BSN: variants seen among roughly 807,000 people sequenced by gnomAD.
BSN encodes the protein bassoon presynaptic cytomatrix protein.
Under a neutral mutation model 264.8 loss-of-function variants are expected in BSN, and 57 were observed. The observed-to-expected ratio is 0.22, with a 90% CI of 0.17 to 0.27. BSN has a LOEUF of 0.27. Ranked by LOEUF, BSN falls within the 10% of genes least tolerant of loss-of-function variation. The probability of loss-of-function intolerance (pLI) is 1.00; values close to 1 mark genes in which losing one functional copy is unlikely to be tolerated. For missense variants in BSN, 4,615 were observed against 5,232.5 expected, an observed-to-expected ratio of 0.88 and a Z score of 3.64; for synonymous variants, 2,059 against 2,137.3, an observed-to-expected ratio of 0.96 and a Z score of 1.01.
chr3:49,564,373 TG>T (rs1279570878), intron 1 of BSN, among the ~76,000 whole-genome samples: 1 of 152,216 alleles, frequency 6.6e-6, no homozygotes. Context: ...TGTGAATCTG[TG>T]GAGGCCTGCA....
intron 1 of BSN, among the ~76,000 whole-genome samples, chr3:49,606,684 C>A (rs975360766): frequency 7.9e-5 from 12 of 152,070 alleles, no homozygotes; most frequent in Non-Finnish European, 1.3e-4. Context: ...TCCACCTCCC[C>A]CTTTTGTATT....
At chr3:49,578,881 A>G (rs371998316) in intron 1 of BSN, among the ~76,000 whole-genome samples, 14 of 152,070 alleles carry the variant, frequency 9.2e-5, no homozygotes, top group African/African-American at 3.4e-4. Flanking sequence ...GGAATCATGC[A>G]ATGTGTGTTT....
At position 49,650,592 on chromosome 3, in the gene BSN, C is replaced by G. The variant is rs1165214384; in HGVS notation, c.1519-20C>G. The G allele has an allele frequency of 6.4e-7, 1 of 1,572,758 alleles. No homozygotes were observed. The highest frequency in any genetic ancestry group is 8.6e-7 in the Non-Finnish European group (1 of 1,165,614). On this transcript the variant is annotated intron_variant, in intron 3 of 11. Transcript: ENST00000296452. ...GTGTCTTTTTAATTTTCATCAACCCCCTCTCCCATTTCCTTGCAGAAAACA... is the reference window on the plus strand; with the variant it reads ...GTGTCTTTTTAATTTTCATCAACCCGCTCTCCCATTTCCTTGCAGAAAACA...
chr3:49,605,274 C>A, intron 1 of BSN, among the ~76,000 whole-genome samples: 1 of 97,716 alleles, frequency 1.0e-5, no homozygotes, highest in Non-Finnish European at 1.9e-5. Flanking sequence ...TATATATATA[C>A]ATATATATAC....
chr3:49,650,649 G>A lies in BSN; in HGVS notation c.1556G>A (p.Arg519Gln), dbSNP rs757625460. The change falls in exon 4 of 12, where the codon CGG becomes CAG. Residue 519 changes from arginine to glutamine, a missense_variant. By Grantham distance (43) the Arg-to-Gln change is conservative (BLOSUM62 1). This residue lies in a region of BSN where 1,197 missense variants were observed against 1,348.0 expected (regional missense o/e 0.89). Transcript: ENST00000296452. ...CTCTGTCTGAACTGCCAAACCAAGC[G>A]GCTACTGGAGGGCAGCCTAGGAGAG... The part of the protein sequence containing the change: ...EWLCLNCQTK[R>Q]LLEGSLGEPT... The A allele has an allele frequency of 3.1e-6, 5 of 1,607,914 alleles. No individual in the cohort carries two copies. The highest frequency in any genetic ancestry group is 1.3e-5 in the African/African-American group (1 of 74,592).
chr3:49,593,891 C>CT (rs1224515742), intron 1 of BSN, among the ~76,000 whole-genome samples: 1 of 150,904 alleles, frequency 6.6e-6, no homozygotes, highest in Non-Finnish European at 1.5e-5. Context: ...CAAACTCCGC[C>CT]TCCCAGGTTC....
chr3:49,595,601 C>A (rs913207179), intron 1 of BSN, among the ~76,000 whole-genome samples: 1 of 152,200 alleles, frequency 6.6e-6, no homozygotes, highest in Non-Finnish European at 1.5e-5. Flanking sequence ...AAGGCATCCT[C>A]CCACTTTGGC....
In BSN at chr3:49,660,354, C is replaced by T; in HGVS notation, c.8641-132C>T. On this transcript the variant is annotated intron_variant, in intron 5 of 11. Transcript: ENST00000296452. This position sits in a 1 kb window ranked among gnomAD's most constrained non-coding sequence, Gnocchi z 7.1. The stretch of plus-strand genomic sequence containing the variant: ...TGGGCAGGGTAGGCCTCCAGGCTGC[C>T]TGGTAAATCAGGGCACCAGCAAGAT... The T allele has an allele frequency of 1.3e-6, 2 of 1,490,524 alleles. No homozygotes were observed. Among genetic ancestry groups the T allele is most frequent in the Non-Finnish European group, 1.8e-6 (2 of 1,121,584 alleles). The allele number at this position is 1,490,524 out of a possible 1,614,324, so 92.3% of individuals were successfully genotyped here.
chr3:49,605,431 A>ATATATAT (rs2052107809), intron 1 of BSN, among the ~76,000 whole-genome samples: 1 of 20,488 alleles, frequency 4.9e-5, no homozygotes, highest in Admixed American at 9.9e-4. Flanking sequence ...TTTATATATA[A>ATATATAT]TATATATTAT....
rs987943636 is a variant in BSN at position 49,594,350 on chromosome 3, G to A, written c.225-30625G>A. Among the ~76,000 whole-genome samples the A allele has an allele frequency of 3.3e-5, 5 of 152,108 alleles. No individual in the cohort carries two copies. The East Asian group carries it at 9.6e-4, about 29-fold the overall frequency. On this transcript the variant is annotated intron_variant, in intron 1 of 11. Transcript: ENST00000296452. ...CATTGTTAGTTAATTCTCATATAAG[G>A]TTTCAAGCTTAGGCCAAAATTTATT...
chr3:49,651,780 C>G lies in BSN; in HGVS notation c.2224C>G (p.Pro742Ala), dbSNP rs763772620. ...TTTGCTGCAGGCCCAGGGCCTGGCC[C>G]CAAGTGAGCGGAGCAAGCCACTCTC... ...RPLLQAQGLA[P>A]SERSKPLSSG... The change falls in exon 5 of 12, where the codon CCA (proline) becomes GCA (alanine). Residue 742 changes from proline to alanine, a missense_variant. Coordinates refer to ENST00000296452, the MANE Select transcript of BSN (RefSeq NM_003458.4). This position sits in a 1 kb window ranked among gnomAD's most constrained non-coding sequence, Gnocchi z 5.4. 6.2e-7 allele frequency: 1 copy of G among 1,613,324 alleles called. No homozygotes were observed. Among genetic ancestry groups the G allele is most frequent in the South Asian group, 1.1e-5 (1 of 91,076 alleles).
chr3:49,605,724 A>T (rs2052126956), intron 1 of BSN, among the ~76,000 whole-genome samples: 1 of 56,334 alleles, frequency 1.8e-5, no homozygotes, highest in African/African-American at 7.0e-5. Flanking sequence ...TAACATATAA[A>T]TGTATATAAT....
intron 1 of BSN, among the ~76,000 whole-genome samples, chr3:49,572,395 T>C (rs1053213882): frequency 1.3e-5 from 2 of 152,052 alleles, no homozygotes; most frequent in Non-Finnish European, 2.9e-5. Flanking sequence ...GGGGAAAATA[T>C]CACAATCCAA....
At chr3:49,666,464 A>G (rs186051549) in intron 11 of BSN, among the ~76,000 whole-genome samples, 6 of 152,368 alleles carry the variant, frequency 3.9e-5, no homozygotes, top group Admixed American at 1.3e-4. Context: ...GAAGCTGACA[A>G]TCCATTAAAG....
At chr3:49,588,471 G>GT (rs918245098) in intron 1 of BSN, among the ~76,000 whole-genome samples, 9 of 151,762 alleles carry the variant, frequency 5.9e-5, no homozygotes, top group African/African-American at 1.7e-4. Context: ...TTTTTTGAGG[G>GT]TTTTTTTTAA....
At chr3:49,572,668 G>A (rs952627708) in intron 1 of BSN, among the ~76,000 whole-genome samples, 3 of 152,142 alleles carry the variant, frequency 2.0e-5, no homozygotes, top group Non-Finnish European at 4.4e-5. Context: ...CGAGTAGCTG[G>A]GACTACAGTC....
intron 3 of BSN, among the ~76,000 whole-genome samples, chr3:49,647,714 A>G (rs1385959679): frequency 6.6e-6 from 1 of 152,178 alleles, no homozygotes; most frequent in Non-Finnish European, 1.5e-5. Flanking sequence ...AATAGAATGA[A>G]TAAAGGAATT....
At position 49,642,733 on chromosome 3, in the gene BSN, G is replaced by T; in HGVS notation, c.1099G>T (p.Val367Leu). The change falls in exon 3 of 12, where the codon GTG becomes TTG. Residue 367 changes from valine to leucine, a missense_variant. Coordinates refer to ENST00000296452, the MANE Select transcript of BSN (RefSeq NM_003458.4). The surrounding 1 kb of genome is among the most constrained non-coding windows in gnomAD (Gnocchi z 7.0). ...AACCCAGGCGAGCACCCTCATGTCT[G>T]TGCAGCCCGAGGCTGACACCCAGGG... Reference protein sequence around the residue: ...LLTQASTLMSVQPEADTQGQP... With the variant: ...LLTQASTLMSLQPEADTQGQP... 1.2e-6 allele frequency: 2 copies of T among 1,613,520 alleles called. No individual in the cohort carries two copies. Among genetic ancestry groups the T allele is most frequent in the Non-Finnish European group, 1.7e-6 (2 of 1,180,026 alleles).
At chr3:49,648,603 C>G (rs546515904) in intron 3 of BSN, among the ~76,000 whole-genome samples, 4 of 152,344 alleles carry the variant, frequency 2.6e-5, no homozygotes, top group African/African-American at 7.2e-5. Flanking sequence ...AGGCTCTGTG[C>G]TCTCCCATGT....
Sources: allele counts gnomAD v4.1 joint callset (sites outside exome capture counted in the v4.1 genomes callset), GRCh38; gene constraint gnomAD v4.1.1; regional missense constraint gnomAD v4.1.1; non-coding constraint Gnocchi (gnomAD v3.1); transcripts MANE v1.5; gene names NCBI Gene and HGNC (gene_info 2026-07-23, HGNC 2026-07-21).